ANP32B: variants seen among roughly 807,000 people sequenced by gnomAD.
ANP32B encodes the protein acidic nuclear phosphoprotein 32 family member B.
In ANP32B, 6 loss-of-function variants were observed where a neutral mutation model predicts 32.2. The ratio of observed to expected loss-of-function variants is 0.19; its 90% CI spans 0.10 to 0.37. ANP32B has a LOEUF of 0.37. ANP32B is among the 10% of genes least tolerant of loss of function. The pLI, the probability that ANP32B is intolerant of heterozygous loss-of-function variation, is 1.00. For missense variants in ANP32B, 204 were observed against 289.2 expected (o/e 0.71, Z 2.14); for synonymous variants, 98 against 105.8 (o/e 0.93, Z 0.45).
chr9:98,000,227 T>A (rs1197022968), intron 3 of ANP32B, among the ~76,000 whole-genome samples: 1 of 152,180 alleles, frequency 6.6e-6, no homozygotes, highest in Non-Finnish European at 1.5e-5. Flanking sequence ...GATCCTTCCA[T>A]CTCGACCTCC....
intron 6 of ANP32B, among the ~76,000 whole-genome samples, chr9:98,014,777 A>AGG (rs1489496924): frequency 6.6e-6 from 1 of 152,208 alleles, no homozygotes; most frequent in African/African-American, 2.4e-5. Context: ...TTTTGGAGAC[A>AGG]GTTTCGCTCT....
chr9:98,009,129 C>G (rs1205833556), intron 4 of ANP32B, among the ~76,000 whole-genome samples: 4 of 152,186 alleles, frequency 2.6e-5, no homozygotes, highest in Non-Finnish European at 5.9e-5. Context: ...TTTCAAATAA[C>G]TATATGTTAG....
chr9:97,991,222 C>G (rs1216934056), intron 1 of ANP32B, among the ~76,000 whole-genome samples: 5 of 151,712 alleles, frequency 3.3e-5, no homozygotes, highest in African/African-American at 1.2e-4. Context: ...CTCAAGTGAT[C>G]CTCCTGCATC....
rs1827638609 is a variant in ANP32B, at chr9:97,983,698, G to A, written c.54+89G>A. On this transcript the variant is annotated intron_variant, in intron 1 of 6. Transcript: ENST00000339399. Reference sequence around the variant, plus strand: ...CGGGGCCCGGGCTGAGGGTTCGCCGGCCCCGGCGCGGGGAAGAGCGCAGCT... The same window carrying A: ...CGGGGCCCGGGCTGAGGGTTCGCCGACCCCGGCGCGGGGAAGAGCGCAGCT... 10 of 1,125,772 alleles carry A rather than the reference G, an allele frequency of 8.9e-6. No homozygotes were observed. In the South Asian group the frequency reaches 1.8e-4, roughly 20 times the overall value. The allele number at this position is 1,125,772 out of a possible 1,614,324, so 69.7% of individuals were successfully genotyped here. A position where few individuals can be genotyped will look rare whatever the true frequency, so the allele number is the denominator to read the frequency against.
chr9:98,012,280 A>G, intron 5 of ANP32B, 141 bp from the exon 6 acceptor site: 1 of 1,068,734 alleles, frequency 9.4e-7, no homozygotes, highest in Non-Finnish European at 1.3e-6. Flanking sequence ...ACATCAAAGT[A>G]GATAAAAATA....
intron 6 of ANP32B, 104 bp from the exon 7 acceptor site, chr9:98,015,260 T>G (rs553877218): frequency 6.7e-7 from 1 of 1,485,998 alleles, no homozygotes; most frequent in East Asian, 2.5e-5. Context: ...TTACATTGTT[T>G]TATCTCCTAA....
chr9:98,008,040 T>G (rs1256920900), intron 4 of ANP32B, among the ~76,000 whole-genome samples: 1 of 152,032 alleles, frequency 6.6e-6, no homozygotes, highest in Non-Finnish European at 1.5e-5. Context: ...GGGGTACATG[T>G]GCACGTTTGT....
chr9:98,004,893 T>A, intron 3 of ANP32B, 71 bp from the exon 4 acceptor site: 1 of 1,261,972 alleles, frequency 7.9e-7, no homozygotes, highest in Non-Finnish European at 1.1e-6. Flanking sequence ...GAATTTTACC[T>A]CTTCAAGAGA....
At chr9:97,983,970 G>A (rs1335264759) in intron 1 of ANP32B, among the ~76,000 whole-genome samples, 7 of 150,836 alleles carry the variant, frequency 4.6e-5, no homozygotes, top group Non-Finnish European at 1.0e-4. Flanking sequence ...CTCCCGGGAT[G>A]CGCGGCCGGG....
intron 1 of ANP32B, among the ~76,000 whole-genome samples, chr9:97,984,158 G>C (rs1012465740): frequency 6.6e-6 from 1 of 150,454 alleles, no homozygotes; most frequent in Non-Finnish European, 1.5e-5. Context: ...GCGAGGAGGG[G>C]GCTTTTTTCT....
chr9:98,005,283 G>A, intron 4 of ANP32B, 130 bp downstream of exon 4: 3 of 791,494 alleles, frequency 3.8e-6, no homozygotes, highest in Non-Finnish European at 5.9e-6. Flanking sequence ...GAGGCAGGGG[G>A]CATTGCTTGA....
chr9:98,004,857 G>A (rs1029749784), intron 3 of ANP32B, 107 bp from the exon 4 acceptor site: 3 of 794,028 alleles, frequency 3.8e-6, no homozygotes, highest in African/African-American at 3.5e-5. Context: ...GGCTGAGTGG[G>A]TAGTGGAAAT....
chr9:98,001,576 C>T (rs1054644562), intron 3 of ANP32B, among the ~76,000 whole-genome samples: 2 of 152,148 alleles, frequency 1.3e-5, no homozygotes, highest in African/African-American at 4.8e-5. Context: ...ACCTAGTTCT[C>T]GTGGCAGCCT....
At chr9:97,991,118 C>G (rs1276848144) in intron 1 of ANP32B, among the ~76,000 whole-genome samples, 1 of 146,046 alleles carries the variant, frequency 6.8e-6, no homozygotes, top group Non-Finnish European at 1.5e-5. Flanking sequence ...CCACCGTGCC[C>G]AGCCAAACTT....
In ANP32B at chr9:98,011,365, G is replaced by A. The variant is rs772471579; in HGVS notation, c.612G>A (p.Glu204=). 78 of 1,571,498 alleles carry A rather than the reference G, an allele frequency of 5.0e-5. No homozygotes were observed. Among genetic ancestry groups the A allele is most frequent in the Non-Finnish European group, 6.3e-5 (73 of 1,154,554 alleles). The part of the protein sequence containing the change: ...DDEDEDVEGD[E]DDDEVSEEEE... Reference sequence around the variant, plus strand: ...AAGATGAAGATGTAGAAGGGGATGAGGACGACGATGAAGTCAGTGAGGAGG... The same window carrying A: ...AAGATGAAGATGTAGAAGGGGATGAAGACGACGATGAAGTCAGTGAGGAGG... The change falls in exon 5 of 7, where the codon GAG becomes GAA. Residue 204 remains glutamate (E), a synonymous_variant. Transcript: ENST00000339399.
At chr9:98,000,431 T>G (rs1827970901) in intron 3 of ANP32B, among the ~76,000 whole-genome samples, 1 of 152,204 alleles carries the variant, frequency 6.6e-6, no homozygotes, top group Non-Finnish European at 1.5e-5. Flanking sequence ...TTTATTCGTT[T>G]CCTTCAAACC....
chr9:97,984,283 C>G (rs1016463258), intron 1 of ANP32B, among the ~76,000 whole-genome samples: 3 of 151,178 alleles, frequency 2.0e-5, no homozygotes, highest in Non-Finnish European at 4.4e-5. Flanking sequence ...ACCGCCGCCC[C>G]TCCCGAGGCC....
At chr9:98,005,796 C>A (rs1828072305) in intron 4 of ANP32B, among the ~76,000 whole-genome samples, 1 of 152,182 alleles carries the variant, frequency 6.6e-6, no homozygotes, top group African/African-American at 2.4e-5. Flanking sequence ...CTTGCTCTTA[C>A]AGGCTTGCCA....
At chr9:97,997,603 T>A (rs966231831) in intron 2 of ANP32B, among the ~76,000 whole-genome samples, 1 of 152,248 alleles carries the variant, frequency 6.6e-6, no homozygotes, top group Non-Finnish European at 1.5e-5. Flanking sequence ...TAATTCTGCC[T>A]ACCCCATAGA....
Sources: gnomAD v4.1 joint callset for allele counts (sites outside exome capture counted in the v4.1 genomes callset) on GRCh38, gnomAD v4.1.1 for gene constraint, MANE v1.5 for transcripts, NCBI Gene and HGNC (gene_info 2026-07-23, HGNC 2026-07-21) for gene names.